Variants in IFNA17 observed in about 807,000 individuals in gnomAD.
IFNA17 encodes the protein interferon alpha 17, also known as interferon alpha-17.
For synonymous variants in IFNA17, 107 were observed against 80.5 expected, an observed-to-expected ratio of 1.33 and a Z score of -1.76; for missense variants, 285 against 212.7, an observed-to-expected ratio of 1.34 and a Z score of -2.11.
Position 21,227,423 on chromosome 9 carries a change from A to T in IFNA17, c.*181T>A, listed in dbSNP as rs1220808963. The T allele has an allele frequency of 1.6e-6, 1 of 642,956 alleles. No homozygotes were observed. The highest frequency in any genetic ancestry group is 2.5e-6 in the Non-Finnish European group (1 of 401,192). The allele number at this position is 642,956 out of a possible 1,614,324, so 39.8% of individuals were successfully genotyped here. On this transcript the variant is annotated 3_prime_UTR_variant, in exon 1 of 1. Transcript: ENST00000413767. The stretch of plus-strand genomic sequence containing the variant: ...GATGAACAGAGACATCAGCATGGTC[A>T]TCTGTAAAGTACTAGTGCCTGCACA...
rs1476038485 is a variant in IFNA17 at position 21,227,506 on chromosome 9, G to A, written c.*98C>T. On this transcript the variant is annotated 3_prime_UTR_variant, in exon 1 of 1. Transcript: ENST00000413767. ...ACATTTGAAAATTTTGATTCAACTC[G>A]TGGTGGTTATAGAAGTGAGTCTTTG... 1.2e-5 allele frequency: 19 copies of A among 1,547,636 alleles called. No homozygotes were observed. Among genetic ancestry groups the A allele is most frequent in the Middle Eastern group, 2.4e-4 (1 of 4,172 alleles).
Position 21,227,624 on chromosome 9 carries a change from T to C in IFNA17, c.550A>G (p.Ile184Val), listed in dbSNP as rs1818642654. The stretch of plus-strand genomic sequence containing the variant: ...AGTTTTCAATCCTTCCTCCTTAATA[T>C]TTTTTGCAAGTTTGTTGAAAAAGAG... The part of the protein sequence containing the change: ...SLSFSTNLQK[I>V]LRRKD The change falls in exon 1 of 1, where the codon ATA (isoleucine) becomes GTA (valine). Residue 184 changes from isoleucine (I) to valine (V), a missense_variant. Physicochemically the swap from Ile to Val is conservative, Grantham distance 29. Coordinates refer to ENST00000413767, the MANE Select transcript of IFNA17 (RefSeq NM_021268.2). 3.1e-6 allele frequency: 5 copies of C among 1,611,614 alleles called. No individual in the cohort carries two copies. The highest frequency in any genetic ancestry group is 1.3e-5 in the African/African-American group (1 of 74,716).
rs534402001 is a variant in IFNA17, at chr9:21,227,269, A to T, written c.*335T>A. 84 of 153,928 alleles carry T rather than the reference A, an allele frequency of 5.5e-4. No individual in the cohort carries two copies. Among genetic ancestry groups the T allele is most frequent in the African/African-American group, 1.9e-3 (78 of 41,606 alleles). The allele number at this position is 153,928 out of a possible 1,614,324, so 9.5% of individuals were successfully genotyped here. A position where few individuals can be genotyped will look rare whatever the true frequency, so the allele number is the denominator to read the frequency against. On this transcript the variant is annotated 3_prime_UTR_variant, in exon 1 of 1. Transcript: ENST00000413767. ...TATAGTAAAAATTTAATGAAAAAGG[A>T]AATTAATATATTGGCTAAATATGAA...
rs528004284 is a variant in IFNA17, at chr9:21,227,902, A to C, written c.272T>G (p.Phe91Cys). The C allele has an allele frequency of 6.2e-7, 1 of 1,613,858 alleles. No homozygotes were observed. Among genetic ancestry groups the C allele is most frequent in the African/African-American group, 1.3e-5 (1 of 75,006 alleles). ...AGCAGCAGATGAGTCCTCTGTGCTG[A>C]AGAGATTGAAGGTCTGCTGGATCAT... ...HEMIQQTFNL[F>C]STEDSSAAWE... The change falls in exon 1 of 1, where the codon TTC (phenylalanine) becomes TGC (cysteine). Residue 91 changes from phenylalanine to cysteine, a missense_variant. By Grantham distance (205) the Phe-to-Cys change is radical. Coordinates refer to ENST00000413767, the MANE Select transcript of IFNA17 (RefSeq NM_021268.2).
In IFNA17 at chr9:21,228,084, G is replaced by T; in HGVS notation, c.90C>A (p.His30Gln). ...CSLGCDLPQTHSLGNRRALIL... is the reference protein window; with the variant it reads ...CSLGCDLPQTQSLGNRRALIL... ...TCAAGGCCCTCCTATTACCCAGGCT[G>T]TGGGTCTGAGGCAGATCACAGCCTA... The change falls in exon 1 of 1, where the codon CAC (histidine) becomes CAA (glutamine). Residue 30 changes from histidine (H) to glutamine (Q), a missense_variant. His to Gln is a conservative substitution (Grantham distance 24). Transcript: ENST00000413767. 6.2e-7 allele frequency: 1 copy of T among 1,614,114 alleles called. No homozygotes were observed.
rs772263884 is a variant in IFNA17, at chr9:21,227,586, G to A, written c.*18C>T. The A allele has an allele frequency of 1.2e-5, 20 of 1,610,778 alleles. No homozygotes were observed. Among genetic ancestry groups the A allele is most frequent in the Non-Finnish European group, 1.5e-5 (18 of 1,179,392 alleles). ...AATGTATTAGTCAATCAGGATCATT[G>A]CCATGTTGAACCAGTTTTCAATCCT... On this transcript the variant is annotated 3_prime_UTR_variant, in exon 1 of 1. Coordinates refer to ENST00000413767, the MANE Select transcript of IFNA17 (RefSeq NM_021268.2).
Position 21,228,040 on chromosome 9 carries a change from C to T in IFNA17, c.134G>A (p.Gly45Glu), listed in dbSNP as rs563006259. 847 of 1,614,054 alleles carry T rather than the reference C, an allele frequency of 5.2e-4. 11 individuals carry two copies. The South Asian group carries it at 8.7e-3, about 17-fold the overall frequency. Reference protein sequence around the residue: ...RRALILLAQMGRISPFSCLKD... With the variant: ...RRALILLAQMERISPFSCLKD... ...CAGGCAGGAGAAAGGAGAGATTCTT[C>T]CCATTTGTGCCAGGAGTATCAAGGC... The change falls in exon 1 of 1, where the codon GGA becomes GAA. Residue 45 changes from glycine to glutamate, a missense_variant. Physicochemically the swap from Gly to Glu is moderately conservative, Grantham distance 98 (BLOSUM62 -2). Coordinates refer to ENST00000413767, the MANE Select transcript of IFNA17 (RefSeq NM_021268.2).
rs1818638770 is a variant in IFNA17 at position 21,227,385 on chromosome 9, A to G, written c.*219T>C. 1.5e-5 allele frequency: 5 copies of G among 326,602 alleles called. No homozygotes were observed. In the Admixed American group the frequency reaches 2.5e-4, roughly 16 times the overall value. 20.2% of individuals were successfully genotyped at this position (326,602 alleles called of 1,614,324 possible). ...AAATCTTAAAAATAATTAAATAAAT[A>G]TTTAAATAAATAGATGAACAGAGAC... On this transcript the variant is annotated 3_prime_UTR_variant, in exon 1 of 1. Coordinates refer to ENST00000413767, the MANE Select transcript of IFNA17 (RefSeq NM_021268.2).
Position 21,227,420 on chromosome 9 carries a change from G to A in IFNA17, c.*184C>T, listed in dbSNP as rs1345641616. On this transcript the variant is annotated 3_prime_UTR_variant, in exon 1 of 1. Coordinates refer to ENST00000413767, the MANE Select transcript of IFNA17 (RefSeq NM_021268.2). ...ATAGATGAACAGAGACATCAGCATG[G>A]TCATCTGTAAAGTACTAGTGCCTGC... 7 of 602,588 alleles carry A rather than the reference G, an allele frequency of 1.2e-5. No individual in the cohort carries two copies. Among genetic ancestry groups the A allele is most frequent in the African/African-American group, 3.8e-5 (2 of 52,940 alleles). The allele number at this position is 602,588 out of a possible 1,614,324, so 37.3% of individuals were successfully genotyped here.
Position 21,228,047 on chromosome 9 carries a change from G to C in IFNA17, c.127C>G (p.Gln43Glu), listed in dbSNP as rs370226192. The change falls in exon 1 of 1, where the codon CAA becomes GAA. Residue 43 changes from glutamine (Q) to glutamate (E), a missense_variant. Coordinates refer to ENST00000413767, the MANE Select transcript of IFNA17 (RefSeq NM_021268.2). The stretch of plus-strand genomic sequence containing the variant: ...GAGAAAGGAGAGATTCTTCCCATTT[G>C]TGCCAGGAGTATCAAGGCCCTCCTA... ...GNRRALILLAQMGRISPFSCL... is the reference protein window; with the variant it reads ...GNRRALILLAEMGRISPFSCL... The C allele has an allele frequency of 6.2e-7, 1 of 1,614,114 alleles. No homozygotes were observed. Among genetic ancestry groups the C allele is most frequent in the Admixed American group, 1.7e-5 (1 of 60,014 alleles).
chr9:21,227,362 A>C lies in IFNA17; in HGVS notation c.*242T>G. The C allele has an allele frequency of 4.2e-6, 1 of 235,592 alleles. No individual in the cohort carries two copies. Among genetic ancestry groups the C allele is most frequent in the Non-Finnish European group, 8.1e-6 (1 of 124,212 alleles). 14.6% of individuals were successfully genotyped at this position (235,592 alleles called of 1,614,324 possible). ...GATATTACATAAAAAAATAATTTAA[A>C]TCTTAAAAATAATTAAATAAATATT... On this transcript the variant is annotated 3_prime_UTR_variant, in exon 1 of 1. Transcript: ENST00000413767.
rs376368043 is a variant in IFNA17 at position 21,228,216 on chromosome 9, C to T, written c.-43G>A. The stretch of plus-strand genomic sequence containing the variant: ...TGCTAGGCTACTTGAGATGGGTAAC[C>T]TTGAACTTTGGCCTCTAGGTTTTCT... On this transcript the variant is annotated 5_prime_UTR_variant, in exon 1 of 1. Transcript: ENST00000413767. 6.3e-7 allele frequency: 1 copy of T among 1,575,834 alleles called. No homozygotes were observed.
In IFNA17 at chr9:21,227,837, A is replaced by T. The variant is rs772003826; in HGVS notation, c.337T>A (p.Tyr113Asn). The change falls in exon 1 of 1, where the codon TAC becomes AAC. Residue 113 changes from tyrosine to asparagine, a missense_variant. Coordinates refer to ENST00000413767, the MANE Select transcript of IFNA17 (RefSeq NM_021268.2). The part of the protein sequence containing the change: ...SLLEKFSTEL[Y>N]QQLNNLEACV... ...GCTTCCAGGTTATTCAGTTGCTGGT[A>T]AAGTTCAGTGGAAAATTTTTCTAGG... is the stretch of plus-strand genomic sequence containing the variant. 3 of 1,613,802 alleles carry T rather than the reference A, an allele frequency of 1.9e-6. No homozygotes were observed. In the South Asian group the frequency reaches 3.3e-5, roughly 18 times the overall value.
At position 21,227,704 on chromosome 9, in the gene IFNA17, T is replaced by G. The variant is rs769593404; in HGVS notation, c.470A>C (p.Lys157Thr). ...FQRITLYLTE[K>T]KYSPCAWEVV... ...CTCCCAGGCACAAGGGCTGTATTTC[T>G]TCTCTGTTAGATAAAGAGTGATTCT... Residue 157 changes from lysine (K) to threonine (T), a missense_variant, in exon 1 of 1, where the codon AAG becomes ACG. Physicochemically the swap from Lys to Thr is moderately conservative, Grantham distance 78 (BLOSUM62 -1). Transcript: ENST00000413767. 2 of 1,614,036 alleles carry G rather than the reference T, an allele frequency of 1.2e-6. No individual in the cohort carries two copies. The highest frequency in any genetic ancestry group is 2.2e-5 in the East Asian group (1 of 44,870).
Position 21,227,648 on chromosome 9 carries a change from A to G in IFNA17, c.526T>C (p.Ser176Pro). Reference protein sequence around the residue: ...VVRAEIMRSLSFSTNLQKILR... With the variant: ...VVRAEIMRSLPFSTNLQKILR... ...ATTTTTTGCAAGTTTGTTGAAAAAGAGAGAGATCTCATGATTTCTGCTCTG... is the reference window on the plus strand; with the variant it reads ...ATTTTTTGCAAGTTTGTTGAAAAAGGGAGAGATCTCATGATTTCTGCTCTG... The change falls in exon 1 of 1, where the codon TCT (serine) becomes CCT (proline). Residue 176 changes from serine to proline, a missense_variant. Physicochemically the swap from Ser to Pro is moderately conservative, Grantham distance 74. Coordinates refer to ENST00000413767, the MANE Select transcript of IFNA17 (RefSeq NM_021268.2). The G allele has an allele frequency of 1.2e-6, 2 of 1,612,540 alleles. No individual in the cohort carries two copies. Among genetic ancestry groups the G allele is most frequent in the Non-Finnish European group, 1.7e-6 (2 of 1,179,768 alleles).
rs2132947317 is a variant in IFNA17 at position 21,228,107 on chromosome 9, C to G, written c.67G>C (p.Gly23Arg). Reference protein sequence around the residue: ...VLSYKSICSLGCDLPQTHSLG... With the variant: ...VLSYKSICSLRCDLPQTHSLG... ...CTGTGGGTCTGAGGCAGATCACAGC[C>G]TAGAGAACAGATGGATTTGTAGCTG... Residue 23 changes from glycine to arginine, a missense_variant, in exon 1 of 1, where the codon GGC becomes CGC. Coordinates refer to ENST00000413767, the MANE Select transcript of IFNA17 (RefSeq NM_021268.2). 1.9e-6 allele frequency: 3 copies of G among 1,614,014 alleles called. No individual in the cohort carries two copies. In the East Asian group the frequency reaches 6.7e-5, roughly 36 times the overall value.
chr9:21,227,649 G>C lies in IFNA17; in HGVS notation c.525C>G (p.Leu175=), dbSNP rs779618135. 9 of 1,612,498 alleles carry C rather than the reference G, an allele frequency of 5.6e-6. No homozygotes were observed. In the South Asian group the frequency reaches 8.8e-5, roughly 16 times the overall value. The part of the protein sequence containing the change: ...EVVRAEIMRS[L]SFSTNLQKIL... ...TTTTTTGCAAGTTTGTTGAAAAAGA[G>C]AGAGATCTCATGATTTCTGCTCTGA... Residue 175 remains leucine (L), a synonymous_variant, in exon 1 of 1, where the codon CTC becomes CTG. Coordinates refer to ENST00000413767, the MANE Select transcript of IFNA17 (RefSeq NM_021268.2).
chr9:21,228,210 G>T lies in IFNA17; in HGVS notation c.-37C>A. ...AAATGTTGCTAGGCTACTTGAGATG[G>T]GTAACCTTGAACTTTGGCCTCTAGG... is the stretch of plus-strand genomic sequence containing the variant. On this transcript the variant is annotated 5_prime_UTR_variant, in exon 1 of 1. Transcript: ENST00000413767. 6.3e-7 allele frequency: 1 copy of T among 1,585,268 alleles called. No individual in the cohort carries two copies. Among genetic ancestry groups the T allele is most frequent in the South Asian group, 1.2e-5 (1 of 85,784 alleles).
At position 21,227,824 on chromosome 9, in the gene IFNA17, T is replaced by C. The variant is rs768320416; in HGVS notation, c.350A>G (p.Asn117Ser). ...CTGTATCACACATGCTTCCAGGTTA[T>C]TCAGTTGCTGGTAAAGTTCAGTGGA... Reference protein sequence around the residue: ...KFSTELYQQLNNLEACVIQEV... With the variant: ...KFSTELYQQLSNLEACVIQEV... The change falls in exon 1 of 1, where the codon AAT (asparagine) becomes AGT (serine). Residue 117 changes from asparagine to serine, a missense_variant. Asn to Ser is a conservative substitution (Grantham distance 46). Transcript: ENST00000413767. 14 of 1,613,816 alleles carry C rather than the reference T, an allele frequency of 8.7e-6. No individual in the cohort carries two copies. The highest frequency in any genetic ancestry group is 1.2e-5 in the Non-Finnish European group (14 of 1,179,944).
Sources: gnomAD v4.1 joint callset for allele counts on GRCh38, gnomAD v4.1.1 for gene constraint, MANE v1.5 for transcripts, NCBI Gene and HGNC (gene_info 2026-07-23, HGNC 2026-07-21) for gene names.